GABRA3: variants seen among roughly 807,000 people sequenced by gnomAD.
The protein encoded by GABRA3 is gamma-aminobutyric acid receptor subunit alpha-3.
In GABRA3, 10 loss-of-function variants were observed where a neutral mutation model predicts 30.1. The observed-to-expected ratio is 0.33, with a 90% CI of 0.20 to 0.56. The LOEUF (loss-of-function observed/expected upper bound fraction) is 0.56. GABRA3 is among the 20% of genes least tolerant of loss of function. The pLI, the probability that GABRA3 is intolerant of heterozygous loss-of-function variation, is 0.89. For missense variants in GABRA3, 233 were observed against 392.0 expected (o/e 0.59, Z 3.42); for synonymous variants, 151 against 146.8 (o/e 1.03, Z -0.21).
chrX:152,431,350 C>A (rs1220545672), intron 1 of GABRA3, among the ~76,000 whole-genome samples: 1 of 112,108 alleles, frequency 8.9e-6, no homozygotes, highest in Non-Finnish European at 1.9e-5. Flanking sequence ...AATAAAATAT[C>A]TTTTATGTCT....
intron 3 of GABRA3, among the ~76,000 whole-genome samples, chrX:152,285,398 C>T (rs7059411): frequency 0.075 from 8,358 of 111,176 alleles, 676 homozygotes; most frequent in African/African-American, 0.23. Context: ...TATTTGGAGA[C>T]AACTGATATC....
intron 3 of GABRA3, among the ~76,000 whole-genome samples, chrX:152,327,510 C>A (rs1276776543): frequency 8.9e-6 from 1 of 111,926 alleles, no homozygotes; most frequent in African/African-American, 3.2e-5. Flanking sequence ...TCTCTCAGAC[C>A]ACAGTGCAAT....
In GABRA3 at chrX:152,197,760, G is replaced by A; in HGVS notation, c.804C>T (p.His268=). ...STGEYVVMTT[H]FHLKRKIGYF... is the part of the protein sequence containing the mutation. ...AGCCAATTTTTCGCTTGAGATGGAAGTGGGTTGTCATGACGACATATTCTC... is the reference window on the plus strand; with the variant it reads ...AGCCAATTTTTCGCTTGAGATGGAAATGGGTTGTCATGACGACATATTCTC... Residue 268 remains histidine (H), a synonymous_variant, in exon 8 of 10, where the codon CAC becomes CAT. Coordinates refer to ENST00000370314, the MANE Select transcript of GABRA3 (RefSeq NM_000808.4). 1.7e-6 allele frequency: 2 copies of A among 1,209,752 alleles called. No homozygotes were observed. The highest frequency in any genetic ancestry group is 2.2e-6 in the Non-Finnish European group (2 of 893,805).
chrX:152,248,763 TG>T (rs1396496824), intron 5 of GABRA3, among the ~76,000 whole-genome samples: 1 of 111,702 alleles, frequency 9.0e-6, no homozygotes, highest in Non-Finnish European at 1.9e-5. Flanking sequence ...TACTGCATGG[TG>T]ACTAGCTGAC....
At chrX:152,337,102 G>A (rs1940245733) in intron 3 of GABRA3, among the ~76,000 whole-genome samples, 1 of 111,570 alleles carries the variant, frequency 9.0e-6, no homozygotes, top group African/African-American at 3.3e-5. Context: ...AGATGTACAC[G>A]GCTTTGGGAT....
intron 1 of GABRA3, among the ~76,000 whole-genome samples, chrX:152,412,349 G>A (rs770181527): frequency 9.0e-6 from 1 of 111,432 alleles, no homozygotes; most frequent in East Asian, 2.8e-4. Flanking sequence ...CAAAACACAT[G>A]TTCAAATGAA....
intron 5 of GABRA3, among the ~76,000 whole-genome samples, chrX:152,238,780 T>G (rs1295120951): frequency 9.2e-6 from 1 of 108,262 alleles, no homozygotes. Context: ...TTTATTTGCA[T>G]AGAGGTGTTT....
chrX:152,265,735 T>C (rs1430882853), intron 4 of GABRA3, among the ~76,000 whole-genome samples: 1 of 110,997 alleles, frequency 9.0e-6, no homozygotes, highest in Non-Finnish European at 1.9e-5. Flanking sequence ...ATAAACTTGA[T>C]AAACCTTTAG....
chrX:152,230,982 G>A (rs1249048118), intron 5 of GABRA3, among the ~76,000 whole-genome samples: 2 of 109,968 alleles, frequency 1.8e-5, no homozygotes, highest in South Asian at 7.6e-4. Context: ...GCTTTTGCTT[G>A]TCAAAAGATA....
At chrX:152,332,001 C>T (rs946105954) in intron 3 of GABRA3, among the ~76,000 whole-genome samples, 8 of 111,854 alleles carry the variant, frequency 7.2e-5, no homozygotes, top group Non-Finnish European at 9.4e-5. Flanking sequence ...GTTACACTAC[C>T]ACACATCTTC....
chrX:152,371,099 C>A (rs1928825678), intron 1 of GABRA3, among the ~76,000 whole-genome samples: 1 of 111,072 alleles, frequency 9.0e-6, no homozygotes, highest in Admixed American at 9.6e-5. Flanking sequence ...TACAAATAAG[C>A]ACCTTAATAT....
intron 3 of GABRA3, among the ~76,000 whole-genome samples, chrX:152,325,288 C>A (rs994989869): frequency 6.3e-5 from 7 of 111,926 alleles, no homozygotes; most frequent in African/African-American, 1.9e-4. Flanking sequence ...CAGCTCCCAG[C>A]GTGAGCAATG....
chrX:152,441,938 A>T (rs897420699), intron 1 of GABRA3, among the ~76,000 whole-genome samples: 12 of 111,933 alleles, frequency 1.1e-4, no homozygotes, highest in African/African-American at 3.9e-4. Context: ...AAAGCATGAT[A>T]CAAAAAGCAC....
At chrX:152,320,487 T>C (rs1939945443) in intron 3 of GABRA3, among the ~76,000 whole-genome samples, 1 of 111,504 alleles carries the variant, frequency 9.0e-6, no homozygotes, top group Non-Finnish European at 1.9e-5. Context: ...AAACCAAACA[T>C]CGTATGTTCT....
chrX:152,447,422 G>A (rs1438779880), intron 1 of GABRA3, among the ~76,000 whole-genome samples: 1 of 111,422 alleles, frequency 9.0e-6, no homozygotes, highest in African/African-American at 3.3e-5. Flanking sequence ...TTTTAAAATG[G>A]GATGAATCCT....
chrX:152,215,061 T>A (rs1182963489), intron 6 of GABRA3, among the ~76,000 whole-genome samples: 4 of 107,808 alleles, frequency 3.7e-5, no homozygotes, highest in South Asian at 4.0e-4. Context: ...TATATTTTTT[T>A]ATATGATTAT....
At chrX:152,435,835 ACAATAT>A (rs1347735577) in intron 1 of GABRA3, among the ~76,000 whole-genome samples, 1 of 111,944 alleles carries the variant, frequency 8.9e-6, no homozygotes, top group East Asian at 2.8e-4. Flanking sequence ...TTCATAAGAT[ACAATAT>A]CAATAGACAA....
intron 8 of GABRA3, among the ~76,000 whole-genome samples, chrX:152,194,311 C>T (rs56312511): frequency 0.21 from 23,527 of 110,783 alleles, 1,832 homozygotes; most frequent in Admixed American, 0.27. Context: ...ATATATTCTT[C>T]GGTGAAATAT....
At chrX:152,298,287 C>T (rs1016641049) in intron 3 of GABRA3, among the ~76,000 whole-genome samples, 10 of 110,795 alleles carry the variant, frequency 9.0e-5, no homozygotes, top group African/African-American at 1.6e-4. Context: ...AGGTTAGTTA[C>T]ATATGTATAC....
Sources: allele counts gnomAD v4.1 joint callset (sites outside exome capture counted in the v4.1 genomes callset), GRCh38; gene constraint gnomAD v4.1.1; transcripts MANE v1.5; gene names NCBI Gene and HGNC (gene_info 2026-07-23, HGNC 2026-07-21).